The following ZNF469 variants were observed in gnomAD, a reference collection of about 807,000 sequenced individuals.
The protein encoded by ZNF469 is zinc finger protein 469.
Under a neutral mutation model 1.0 loss-of-function variants are expected in ZNF469, and 1 was observed. That is an observed-to-expected ratio of 1.00 (90% CI 0.35 to 4.73). ZNF469 has a LOEUF of 4.73. Among genes scored for constraint, ZNF469 ranks in the 30% most tolerant of loss-of-function variants. ZNF469 has a pLI of 0.16. For missense variants in ZNF469, 6,100 were observed against 5,356.3 expected, an observed-to-expected ratio of 1.14 and a Z score of -4.33; for synonymous variants, 2,703 against 2,363.4, an observed-to-expected ratio of 1.14 and a Z score of -4.17.
rs551655104 is a variant in ZNF469, at chr16:88,438,556, C to T, written c.11086C>T (p.Pro3696Ser). Reference sequence around the variant, plus strand: ...CACCCCCAGCAAAGCACTCAAGTTCCCAGTGCACCCAAGGAAGGCGGTGGG... The same window carrying T: ...CACCCCCAGCAAAGCACTCAAGTTCTCAGTGCACCCAAGGAAGGCGGTGGG... ...ASTPSKALKF[P>S]VHPRKAVGSL... Residue 3696 changes from proline (P) to serine (S), a missense_variant, in exon 3 of 3, where the codon CCA (proline) becomes TCA (serine). Coordinates refer to ENST00000565624, the MANE Select transcript of ZNF469 (RefSeq NM_001367624.2). 4.4e-5 allele frequency: 68 copies of T among 1,550,174 alleles called. 1 individual carries two copies. The South Asian group carries it at 7.9e-4, about 18-fold the overall frequency.
At position 88,424,958 on chromosome 16, in the gene ZNF469, C is replaced by T. The variant is rs1265236110; in HGVS notation, c.-127+87C>T. On this transcript the variant is annotated intron_variant, in intron 2 of 2. Coordinates refer to ENST00000565624, the MANE Select transcript of ZNF469 (RefSeq NM_001367624.2). The surrounding 1 kb of genome is among the most constrained non-coding windows in gnomAD (Gnocchi z 4.3). The stretch of plus-strand genomic sequence containing the variant: ...GAGGCCCCCTCCGCCCCCACCCGCC[C>T]GGCCTTCCTCTCCCTCTCAGGACAG... Among the ~76,000 whole-genome samples the T allele has an allele frequency of 2.0e-5, 3 of 152,200 alleles. No homozygotes were observed. Among genetic ancestry groups the T allele is most frequent in the Non-Finnish European group, 2.9e-5 (2 of 68,028 alleles).
the ZNF469 span, among the ~76,000 whole-genome samples, chr16:88,335,781 A>G: frequency 6.6e-6 from 1 of 152,246 alleles, no homozygotes; most frequent in African/African-American, 2.4e-5. Context: ...TAACATGCCA[A>G]TACCACGCAC....
At chr16:88,109,737 G>A in the ZNF469 span, among the ~76,000 whole-genome samples, 1 of 150,540 alleles carries the variant, frequency 6.6e-6, no homozygotes, top group Non-Finnish European at 1.5e-5. Context: ...GAGGTGCTGA[G>A]CGTCTGTGTC....
At chr16:88,413,188 G>A (rs762543922) in intron 1 of ZNF469, among the ~76,000 whole-genome samples, 3 of 152,240 alleles carry the variant, frequency 2.0e-5, no homozygotes, top group Non-Finnish European at 4.4e-5. Context: ...GTGATAAATG[G>A]GACAAACAGC....
the ZNF469 span, among the ~76,000 whole-genome samples, chr16:88,231,446 C>A: frequency 1.3e-5 from 2 of 152,224 alleles, no homozygotes; most frequent in Non-Finnish European, 2.9e-5. The surrounding 1 kb of genome is among the most constrained non-coding windows in gnomAD (Gnocchi z 4.5). Context: ...GGGGCTGCGA[C>A]GAGATGACCA....
At chr16:88,301,146 C>T in the ZNF469 span, among the ~76,000 whole-genome samples, 4 of 138,686 alleles carry the variant, frequency 2.9e-5, no homozygotes, top group Non-Finnish European at 1.6e-5. Flanking sequence ...CTCCGACGCA[C>T]AGTGGCCACA....
chr16:88,383,458 CGGACGT>C (rs1297430764), intron 1 of ZNF469, among the ~76,000 whole-genome samples: 1 of 148,638 alleles, frequency 6.7e-6, no homozygotes, highest in Admixed American at 6.7e-5. Context: ...CTCCCGGGCC[CGGACGT>C]GCGGGGCAGC....
chr16:88,236,731 G>A, the ZNF469 span, among the ~76,000 whole-genome samples: 2 of 152,042 alleles, frequency 1.3e-5, no homozygotes, highest in African/African-American at 2.4e-5. Flanking sequence ...GCCGGGCGTG[G>A]TGGGGGGTGC....
chr16:88,168,749 C>T, the ZNF469 span, among the ~76,000 whole-genome samples: 4 of 152,186 alleles, frequency 2.6e-5, no homozygotes, highest in East Asian at 1.9e-4. This position sits in a 1 kb window ranked among gnomAD's most constrained non-coding sequence, Gnocchi z 4.3. Context: ...CAAACAGCAC[C>T]GTGGCAGGCC....
the ZNF469 span, among the ~76,000 whole-genome samples, chr16:88,133,962 G>A: frequency 1.3e-5 from 2 of 152,208 alleles, no homozygotes; most frequent in East Asian, 3.8e-4. Flanking sequence ...GAGCATGGTG[G>A]TGGGCGCCTG....
the ZNF469 span, among the ~76,000 whole-genome samples, chr16:88,114,800 C>T: frequency 6.6e-6 from 1 of 152,230 alleles, no homozygotes; most frequent in Non-Finnish European, 1.5e-5. Flanking sequence ...GGTGCCTCCC[C>T]TTCTCCACCT....
chr16:88,299,957 G>C, the ZNF469 span, among the ~76,000 whole-genome samples: 1 of 152,298 alleles, frequency 6.6e-6, no homozygotes, highest in Admixed American at 6.5e-5. Flanking sequence ...GCATCACCAC[G>C]GCCCCTCTGC....
chr16:88,238,000 C>T, the ZNF469 span, among the ~76,000 whole-genome samples: 3 of 152,252 alleles, frequency 2.0e-5, no homozygotes, highest in Non-Finnish European at 4.4e-5. Context: ...CCTGGCAGTT[C>T]CTTTCTTTAT....
At chr16:88,215,971 C>G in the ZNF469 span, among the ~76,000 whole-genome samples, 1 of 152,144 alleles carries the variant, frequency 6.6e-6, no homozygotes, top group Non-Finnish European at 1.5e-5. Context: ...CACAGATTTA[C>G]TTTCTCTTTG....
chr16:88,248,364 G>C, the ZNF469 span, among the ~76,000 whole-genome samples: 4 of 152,046 alleles, frequency 2.6e-5, no homozygotes, highest in African/African-American at 9.6e-5. Flanking sequence ...GCAGACATTC[G>C]GGGACTGAAA....
the ZNF469 span, chr16:88,194,638 G>A: frequency 6.6e-6 from 1 of 152,274 alleles, no homozygotes; most frequent in East Asian, 1.9e-4. Context: ...GCTGCCCCCG[G>A]CGTCTCCTTC....
At chr16:88,128,810 G>A in the ZNF469 span, among the ~76,000 whole-genome samples, 2 of 152,224 alleles carry the variant, frequency 1.3e-5, no homozygotes, top group Admixed American at 1.3e-4. Flanking sequence ...AGCATCCCAG[G>A]GGCTCTGCTC....
chr16:88,327,748 A>G, the ZNF469 span, among the ~76,000 whole-genome samples: 3 of 152,180 alleles, frequency 2.0e-5, no homozygotes, highest in African/African-American at 4.8e-5. Flanking sequence ...CTCCATGCTT[A>G]GACCCCGCAC....
rs150650209 is a variant in ZNF469, at chr16:88,410,638, C to G, written c.-191-14169C>G. ...CAGGTCACACAGTTCACGGTGACGT[C>G]TATGATGCTGTTGATGGTGCAAGTC... On this transcript the variant is annotated intron_variant, in intron 1 of 2. Transcript: ENST00000565624. Among the ~76,000 whole-genome samples the G allele has an allele frequency of 1.8e-3, 262 of 149,268 alleles. 7 individuals carry two copies. The highest frequency in any genetic ancestry group is 2.9e-3 in the Non-Finnish European group (197 of 67,578).
Sources: gnomAD v4.1 joint callset for allele counts (sites outside exome capture counted in the v4.1 genomes callset) on GRCh38, gnomAD v4.1.1 for gene constraint, Gnocchi (gnomAD v3.1) non-coding constraint, MANE v1.5 for transcripts, NCBI Gene and HGNC (gene_info 2026-07-23, HGNC 2026-07-21) for gene names.